ANKS6: variants seen among roughly 807,000 people sequenced by gnomAD.
ANKS6 encodes ankyrin repeat and sterile alpha motif domain containing 6, also known as ankyrin repeat and SAM domain-containing protein 6.
Under a neutral mutation model 77.9 loss-of-function variants are expected in ANKS6, and 47 were observed. The observed-to-expected ratio is 0.60, with a 90% CI of 0.48 to 0.77. The LOEUF (loss-of-function observed/expected upper bound fraction) is 0.77, where lower values mean the gene tolerates loss of function less well. ANKS6 is among the 30% of genes least tolerant of loss of function. ANKS6 has a pLI of 0.00. For synonymous variants in ANKS6, 488 were observed against 501.7 expected, an observed-to-expected ratio of 0.97 and a Z score of 0.37; for missense variants, 1,150 against 1,159.1, an observed-to-expected ratio of 0.99 and a Z score of 0.11.
intron 10 of ANKS6, 41 bp downstream of exon 10, chr9:98,770,855 G>C: frequency 7.3e-7 from 1 of 1,376,414 alleles, no homozygotes; most frequent in Non-Finnish European, 9.5e-7. Context: ...AGTCCCAAGG[G>C]ATCACCCCAC....
intron 12 of ANKS6, among the ~76,000 whole-genome samples, chr9:98,753,799 A>G (rs1344893650): frequency 6.6e-6 from 1 of 152,204 alleles, no homozygotes; most frequent in Non-Finnish European, 1.5e-5. Context: ...AGATATACAC[A>G]ACCTCAAGAG....
chr9:98,761,758 C>T (rs1348988545), intron 11 of ANKS6, among the ~76,000 whole-genome samples: 2 of 152,266 alleles, frequency 1.3e-5, no homozygotes, highest in Admixed American at 6.5e-5. Context: ...TTTTTGGGCT[C>T]TCTCTTTTGT....
At position 98,745,686 on chromosome 9, in the gene ANKS6, A is replaced by G; in HGVS notation, c.2395-11T>C. ...CGCTTCCATGTCCACCTGGGGAGAG[A>G]GAGGGGATTTGCCACCATCTGCTGG... On this transcript the variant is annotated splice_polypyrimidine_tract_variant and intron_variant, in intron 13 of 14. Transcript: ENST00000353234. 1 of 1,607,848 alleles carries G rather than the reference A, an allele frequency of 6.2e-7. No individual in the cohort carries two copies. The highest frequency in any genetic ancestry group is 1.1e-5 in the South Asian group (1 of 90,934).
Position 98,769,708 on chromosome 9 carries a change from T to C in ANKS6, c.1972+1188A>G, listed in dbSNP as rs147975841. On this transcript the variant is annotated intron_variant, in intron 10 of 14. Transcript: ENST00000353234. ...TTTGGATCCTGGCTCTGCCAACTAA[T>C]AGCTATTTGACCCCGGACGAGTTAT... Among the ~76,000 whole-genome samples the C allele has an allele frequency of 2.2e-4, 33 of 152,344 alleles. 1 individual carries two copies. The East Asian group carries it at 5.8e-3, about 27-fold the overall frequency.
chr9:98,738,697 T>C (rs752594276), intron 14 of ANKS6, among the ~76,000 whole-genome samples: 1 of 152,088 alleles, frequency 6.6e-6, no homozygotes, highest in Non-Finnish European at 1.5e-5. Context: ...AGATTCCTTA[T>C]AGAACTAAAA....
chr9:98,774,774 G>A (rs1329014882), intron 8 of ANKS6, among the ~76,000 whole-genome samples: 1 of 152,236 alleles, frequency 6.6e-6, no homozygotes, highest in Non-Finnish European at 1.5e-5. Context: ...AGTAATGACT[G>A]TTAGATCTTC....
In ANKS6 at chr9:98,777,494, C is replaced by A. The variant is rs148960825; in HGVS notation, c.1568-40G>T. 5.8e-4 allele frequency: 924 copies of A among 1,602,058 alleles called. 5 individuals are homozygous for A. The African/African-American group carries it at 0.011, about 19-fold the overall frequency. On this transcript the variant is annotated intron_variant, in intron 7 of 14. Coordinates refer to ENST00000353234, the MANE Select transcript of ANKS6 (RefSeq NM_173551.5). ...GAAATTTCCTGAAATGACCCCTCCA[C>A]GTGTCCACAGCATAAGGATGAGTGA...
At chr9:98,758,212 G>A (rs1037647351) in intron 11 of ANKS6, among the ~76,000 whole-genome samples, 1 of 151,812 alleles carries the variant, frequency 6.6e-6, no homozygotes, top group Non-Finnish European at 1.5e-5. Context: ...TATTTTTTAA[G>A]CTCTGGGCCA....
In ANKS6 at chr9:98,732,354, C is replaced by T. The variant is rs548642338; in HGVS notation, c.*4165G>A. The T allele has an allele frequency of 8.6e-6, 8 of 930,322 alleles. No homozygotes were observed. Among genetic ancestry groups the T allele is most frequent in the East Asian group, 5.3e-5 (2 of 37,854 alleles). The allele number at this position is 930,322 out of a possible 1,614,324, so 57.6% of individuals were successfully genotyped here. On this transcript the variant is annotated 3_prime_UTR_variant, in exon 15 of 15. Coordinates refer to ENST00000353234, the MANE Select transcript of ANKS6 (RefSeq NM_173551.5). ...TTTTTACCCGCTGGATCAGCTTCTA[C>T]GACTTGGTCAAACTATCTTTCTTTC...
chr9:98,744,174 A>C (rs895346966), intron 14 of ANKS6, among the ~76,000 whole-genome samples: 1 of 152,372 alleles, frequency 6.6e-6, no homozygotes, highest in East Asian at 1.9e-4. Flanking sequence ...AGGAACTAGT[A>C]AAGACTGGAG....
chr9:98,781,205 C>CT (rs1402086408), intron 5 of ANKS6, among the ~76,000 whole-genome samples: 4 of 152,126 alleles, frequency 2.6e-5, no homozygotes, highest in African/African-American at 9.7e-5. Context: ...CAGGTTATTT[C>CT]TTTTTTCTCT....
chr9:98,785,681 C>T (rs1834526436), intron 2 of ANKS6, among the ~76,000 whole-genome samples: 2 of 152,254 alleles, frequency 1.3e-5, no homozygotes, highest in Non-Finnish European at 2.9e-5. Flanking sequence ...AGGCCTTCTG[C>T]AGCCTTTAAT....
rs1444581285 is a variant in ANKS6 at position 98,733,070 on chromosome 9, C to T, written c.*3449G>A. ...AGCAGGCTTCATCACCACACCATCT[C>T]ACCGACATGATTGTCTCCTCTAAGA... is the stretch of plus-strand genomic sequence containing the variant. On this transcript the variant is annotated 3_prime_UTR_variant, in exon 15 of 15. Coordinates refer to ENST00000353234, the MANE Select transcript of ANKS6 (RefSeq NM_173551.5). 1 of 807,374 alleles carries T rather than the reference C, an allele frequency of 1.2e-6. No homozygotes were observed. Among genetic ancestry groups the T allele is most frequent in the African/African-American group, 1.9e-5 (1 of 53,412 alleles). 50.0% of individuals were successfully genotyped at this position (807,374 alleles called of 1,614,324 possible).
intron 9 of ANKS6, among the ~76,000 whole-genome samples, chr9:98,771,992 C>T (rs1381049601): frequency 2.0e-5 from 3 of 152,158 alleles, no homozygotes; most frequent in African/African-American, 7.2e-5. Flanking sequence ...ATGCCTAGTA[C>T]CCAGCTCTGG....
intron 7 of ANKS6, among the ~76,000 whole-genome samples, chr9:98,777,682 G>C (rs1197566375): frequency 2.6e-5 from 4 of 151,802 alleles, no homozygotes; most frequent in African/African-American, 9.7e-5. Flanking sequence ...AGACAGTGGT[G>C]CCCCCAGCTC....
chr9:98,763,475 T>C (rs889976043), intron 11 of ANKS6, among the ~76,000 whole-genome samples: 3 of 152,020 alleles, frequency 2.0e-5, no homozygotes, highest in Admixed American at 1.3e-4. Flanking sequence ...TTGTGGGATG[T>C]AGAAAAAGCA....
At position 98,734,716 on chromosome 9, in the gene ANKS6, A is replaced by G. The variant is rs141481536; in HGVS notation, c.*1803T>C. On this transcript the variant is annotated 3_prime_UTR_variant, in exon 15 of 15. Coordinates refer to ENST00000353234, the MANE Select transcript of ANKS6 (RefSeq NM_173551.5). The stretch of plus-strand genomic sequence containing the variant: ...CCGAATGTGCAAGATGAGGTTACAC[A>G]ATGCCACCTCCAGGGTGGCCATGAG... 5.3e-4 allele frequency: 503 copies of G among 947,514 alleles called. 1 individual carries two copies. The African/African-American group carries it at 8.4e-3, about 16-fold the overall frequency. The allele number at this position is 947,514 out of a possible 1,614,324, so 58.7% of individuals were successfully genotyped here. A position where few individuals can be genotyped will look rare whatever the true frequency, so the allele number is the denominator to read the frequency against.
chr9:98,768,576 G>A (rs958650382), intron 10 of ANKS6, among the ~76,000 whole-genome samples: 5 of 152,122 alleles, frequency 3.3e-5, no homozygotes, highest in Non-Finnish European at 4.4e-5. Context: ...CCCTGCACTC[G>A]ATGCCCACAG....
chr9:98,772,278 A>G (rs1214907370), intron 9 of ANKS6, among the ~76,000 whole-genome samples: 2 of 152,188 alleles, frequency 1.3e-5, no homozygotes, highest in Non-Finnish European at 2.9e-5. Flanking sequence ...TTGACAAATG[A>G]GGAAGCAATG....
Sources: allele counts gnomAD v4.1 joint callset (sites outside exome capture counted in the v4.1 genomes callset), GRCh38; gene constraint gnomAD v4.1.1; transcripts MANE v1.5; gene names NCBI Gene and HGNC (gene_info 2026-07-23, HGNC 2026-07-21).